EDAR: variants seen among roughly 807,000 people sequenced by gnomAD.
EDAR encodes the protein ectodysplasin A receptor.
In EDAR, 38 loss-of-function variants were observed where a neutral mutation model predicts 51.3. The ratio of observed to expected loss-of-function variants is 0.74; its 90% CI spans 0.57 to 0.97. The LOEUF (loss-of-function observed/expected upper bound fraction) is 0.97. EDAR is among the 50% of genes least tolerant of loss of function. The probability of loss-of-function intolerance (pLI) is 0.00; values close to 1 mark genes in which losing one functional copy is unlikely to be tolerated. For synonymous variants in EDAR, 227 were observed against 242.1 expected (o/e 0.94, Z 0.58); for missense variants, 528 against 595.0 (o/e 0.89, Z 1.17).
intron 1 of EDAR, among the ~76,000 whole-genome samples, chr2:108,953,684 T>C (rs986034423): frequency 6.6e-6 from 1 of 152,078 alleles, no homozygotes; most frequent in Non-Finnish European, 1.5e-5. Context: ...ATGTGACTGA[T>C]GAGACACTGG....
chr2:108,938,302 C>T (rs1574392101), intron 1 of EDAR, among the ~76,000 whole-genome samples: 1 of 152,318 alleles, frequency 6.6e-6, no homozygotes, highest in East Asian at 1.9e-4. Flanking sequence ...TTTCTGAACA[C>T]CAACATGGTT....
intron 1 of EDAR, among the ~76,000 whole-genome samples, chr2:108,971,272 T>C (rs1238515829): frequency 6.6e-6 from 1 of 152,142 alleles, no homozygotes; most frequent in East Asian, 1.9e-4. Flanking sequence ...ATCTAGAAAC[T>C]GGCTCTGAGG....
chr2:108,987,873 G>C (rs960406853), intron 1 of EDAR, among the ~76,000 whole-genome samples: 1 of 152,214 alleles, frequency 6.6e-6, no homozygotes, highest in Non-Finnish European at 1.5e-5. Context: ...AAGTGGCTAT[G>C]ACTTACAAAT....
chr2:108,963,711 G>A (rs1220858957), intron 1 of EDAR, among the ~76,000 whole-genome samples: 4 of 152,198 alleles, frequency 2.6e-5, no homozygotes, highest in Non-Finnish European at 4.4e-5. Context: ...AGAATGTTGC[G>A]GCCAATTCTG....
At chr2:108,981,322 C>T (rs1296014714) in intron 1 of EDAR, among the ~76,000 whole-genome samples, 1 of 152,210 alleles carries the variant, frequency 6.6e-6, no homozygotes, top group Non-Finnish European at 1.5e-5. Context: ...CTAGCCCATG[C>T]CAGTCCAACC....
chr2:108,980,147 T>C (rs919335612), intron 1 of EDAR, among the ~76,000 whole-genome samples: 1 of 152,128 alleles, frequency 6.6e-6, no homozygotes, highest in African/African-American at 2.4e-5. Flanking sequence ...CACTCACCAC[T>C]TTCTCTGTTC....
chr2:108,955,946 G>A (rs565734457), intron 1 of EDAR, among the ~76,000 whole-genome samples: 19 of 150,534 alleles, frequency 1.3e-4, no homozygotes, highest in African/African-American at 2.7e-4. Context: ...GAAGAATGGC[G>A]GGAACCCAGG....
chr2:108,914,708 A>T lies in EDAR; in HGVS notation c.443-1944T>A, dbSNP rs12624063. Among the ~76,000 whole-genome samples, 6 of 152,236 alleles carry T rather than the reference A, an allele frequency of 3.9e-5. No individual in the cohort carries two copies. In the East Asian group the frequency reaches 9.7e-4, roughly 25 times the overall value. On this transcript the variant is annotated intron_variant, in intron 5 of 11. Transcript: ENST00000258443. ...CTTCAAATGCATCTCCCACTCTCTC[A>T]CTTTTGTCTCTACCAGTTCTGGAGA...
chr2:108,980,767 G>C (rs1016755467), intron 1 of EDAR, among the ~76,000 whole-genome samples: 2 of 152,100 alleles, frequency 1.3e-5, no homozygotes, highest in African/African-American at 2.4e-5. Context: ...CCCTGAGCTT[G>C]AATCAGTGTG....
At chr2:108,975,539 G>A (rs1372594575) in intron 1 of EDAR, among the ~76,000 whole-genome samples, 1 of 152,224 alleles carries the variant, frequency 6.6e-6, no homozygotes, top group Non-Finnish European at 1.5e-5. Context: ...AGTGAGAAGA[G>A]GTGGGTGGGT....
rs1459775112 is a variant in EDAR at position 108,895,204 on chromosome 2, C to T, written c.*1703G>A. On this transcript the variant is annotated 3_prime_UTR_variant, in exon 12 of 12. Coordinates refer to ENST00000258443, the MANE Select transcript of EDAR (RefSeq NM_022336.4). ...TCAGGACCTCATTATGATCCTCTCA[C>T]AGTATGTACTACATTCGTTGGTGGG... is the stretch of plus-strand genomic sequence containing the variant. The T allele has an allele frequency of 3.3e-5, 5 of 152,770 alleles. No individual in the cohort carries two copies. The South Asian group carries it at 8.3e-4, about 25-fold the overall frequency. 9.5% of individuals were successfully genotyped at this position (152,770 alleles called of 1,614,324 possible).
chr2:108,918,935 A>AT (rs1196811119), intron 5 of EDAR, among the ~76,000 whole-genome samples: 4 of 152,168 alleles, frequency 2.6e-5, no homozygotes, highest in Non-Finnish European at 5.9e-5. Context: ...CCAGTGGCAG[A>AT]TTCTGAACTG....
chr2:108,976,346 A>T (rs181734128), intron 1 of EDAR, among the ~76,000 whole-genome samples: 1 of 152,308 alleles, frequency 6.6e-6, no homozygotes, highest in East Asian at 1.9e-4. Context: ...TGAGAGGAAG[A>T]CCACAGAGGC....
Position 108,930,963 on chromosome 2 carries a change from C to G in EDAR, c.51+1G>C. 6.2e-7 allele frequency: 1 copy of G among 1,613,918 alleles called. No individual in the cohort carries two copies. Among genetic ancestry groups the G allele is most frequent in the Non-Finnish European group, 8.5e-7 (1 of 1,180,008 alleles). On this transcript the variant is annotated splice_donor_variant, in intron 2 of 11. Transcript: ENST00000258443. LOFTEE classifies it high-confidence loss of function. Reference sequence around the variant, plus strand: ...GGGGGTAAGGGGCTCAGACCACTTACCACCAGGACGGGGAGCCAGGGCGTC... The same window carrying G: ...GGGGGTAAGGGGCTCAGACCACTTAGCACCAGGACGGGGAGCCAGGGCGTC...
At chr2:108,948,479 ATAC>A (rs1553451651) in intron 1 of EDAR, among the ~76,000 whole-genome samples, 1 of 152,212 alleles carries the variant, frequency 6.6e-6, no homozygotes, top group Non-Finnish European at 1.5e-5. Context: ...TGCTATAAAG[ATAC>A]TACCTGAGAC....
At chr2:108,975,178 G>T (rs982934534) in intron 1 of EDAR, among the ~76,000 whole-genome samples, 3 of 152,206 alleles carry the variant, frequency 2.0e-5, no homozygotes, top group African/African-American at 7.2e-5. Flanking sequence ...AGCACTCCAG[G>T]AGCTGCAGTC....
chr2:108,913,787 A>G (rs1300992948), intron 5 of EDAR, among the ~76,000 whole-genome samples: 1 of 151,902 alleles, frequency 6.6e-6, no homozygotes, highest in African/African-American at 2.4e-5. Flanking sequence ...CGTCTCTACT[A>G]AAAATACAAA....
chr2:108,953,468 A>G (rs1022288795), intron 1 of EDAR, among the ~76,000 whole-genome samples: 3 of 151,962 alleles, frequency 2.0e-5, no homozygotes, highest in African/African-American at 4.8e-5. Context: ...ACAGTCTACA[A>G]ATTCCCTCTG....
At chr2:108,978,822 A>C (rs2104466061) in intron 1 of EDAR, among the ~76,000 whole-genome samples, 1 of 152,296 alleles carries the variant, frequency 6.6e-6, no homozygotes, top group African/African-American at 2.4e-5. Flanking sequence ...GGCACCAATG[A>C]AGTTGTTAGC....
Sources: gnomAD v4.1 joint callset for allele counts (sites outside exome capture counted in the v4.1 genomes callset) on GRCh38, gnomAD v4.1.1 for gene constraint, MANE v1.5 for transcripts, NCBI Gene and HGNC (gene_info 2026-07-23, HGNC 2026-07-21) for gene names.